Variants in RBFOX1 observed in about 807,000 individuals in gnomAD.
RBFOX1 encodes the protein RNA binding protein fox-1 homolog 1.
In RBFOX1, 8 loss-of-function variants were observed where a neutral mutation model predicts 57.7. The observed-to-expected ratio is 0.14, with a 90% CI of 0.08 to 0.25. The LOEUF is 0.25. Among genes scored for constraint, RBFOX1 ranks in the 10% least tolerant of loss-of-function variants. RBFOX1 has a pLI of 1.00. For synonymous variants in RBFOX1, 326 were observed against 222.4 expected (o/e 1.47, Z -4.15); for missense variants, 611 against 548.5 (o/e 1.11, Z -1.14).
At chr16:6,644,086 A>G (rs12933118) in intron 2 of RBFOX1, among the ~76,000 whole-genome samples, 9,575 of 152,244 alleles carry the variant, frequency 0.063, 401 homozygotes, top group Non-Finnish European at 0.091. Context: ...AGATCACCCT[A>G]CTGCACTCCA....
chr16:6,623,393 C>T (rs2098261312), intron 2 of RBFOX1, among the ~76,000 whole-genome samples: 1 of 151,792 alleles, frequency 6.6e-6, no homozygotes, highest in African/African-American at 2.4e-5. Context: ...TTGTCACTTT[C>T]ATGCAACCCC....
intron 3 of RBFOX1, among the ~76,000 whole-genome samples, chr16:5,825,823 T>G: frequency 6.8e-6 from 1 of 147,902 alleles, no homozygotes; most frequent in Non-Finnish European, 1.5e-5. Flanking sequence ...GGAATAATAT[T>G]CCTTAATATG....
intron 3 of RBFOX1, among the ~76,000 whole-genome samples, chr16:6,891,465 TAG>T (rs746798605): frequency 1.6e-3 from 240 of 146,802 alleles, no homozygotes; most frequent in Middle Eastern, 3.5e-3. Flanking sequence ...ACACACACAC[TAG>T]AGAGAGAGAG....
intron 4 of RBFOX1, among the ~76,000 whole-genome samples, chr16:7,278,273 C>T (rs972544055): frequency 6.6e-6 from 1 of 152,090 alleles, no homozygotes; most frequent in Non-Finnish European, 1.5e-5. Context: ...GCAAGTATAC[C>T]AGCTAATTAG....
intron 3 of RBFOX1, among the ~76,000 whole-genome samples, chr16:5,739,316 T>C (rs2052693032): frequency 6.6e-6 from 1 of 152,252 alleles, no homozygotes; most frequent in African/African-American, 2.4e-5. Flanking sequence ...GTTGTGCACC[T>C]ATGGGTAACG....
rs371940189 is a variant in RBFOX1, at chr16:5,865,249, C to T, written c.319-2054C>T. On this transcript the variant is annotated intron_variant, in intron 3 of 19. Coordinates refer to the RBFOX1 transcript ENST00000641259. The stretch of plus-strand genomic sequence containing the variant: ...TTCAGCAGAGAAATACACACATTCA[C>T]GTGAGATAATGTAGCCCAGGGATCT... Among the ~76,000 whole-genome samples the T allele has an allele frequency of 2.2e-4, 34 of 152,206 alleles. 1 individual carries two copies. In the East Asian group the frequency reaches 2.9e-3, roughly 13 times the overall value.
At chr16:6,527,173 A>C (rs574142364) in intron 2 of RBFOX1, among the ~76,000 whole-genome samples, 1 of 152,342 alleles carries the variant, frequency 6.6e-6, no homozygotes, top group South Asian at 2.1e-4. Context: ...AAAGGGATAT[A>C]GGGAAAAAGT....
chr16:6,483,678 T>A (rs1176290098), intron 2 of RBFOX1: 2 of 922,952 alleles, frequency 2.2e-6, no homozygotes, highest in Non-Finnish European at 2.8e-6. Context: ...CGGGAGGGGG[T>A]TGCAGAGGGA....
At chr16:7,158,676 G>A (rs1703917943) in intron 4 of RBFOX1, among the ~76,000 whole-genome samples, 1 of 144,990 alleles carries the variant, frequency 6.9e-6, no homozygotes, top group Non-Finnish European at 1.5e-5. Context: ...GCACGTATGT[G>A]TGTATGGTGT....
At chr16:6,875,697 T>C (rs1191437258) in intron 3 of RBFOX1, among the ~76,000 whole-genome samples, 1 of 152,228 alleles carries the variant, frequency 6.6e-6, no homozygotes, top group African/African-American at 2.4e-5. Flanking sequence ...TCCCCTTCTC[T>C]GGTAGCCTAA....
chr16:7,149,457 CTCTT>C (rs71391603), intron 4 of RBFOX1, among the ~76,000 whole-genome samples: 1,841 of 150,406 alleles, frequency 0.012, 10 homozygotes, highest in Non-Finnish European at 0.02. Context: ...CTTCCTGTGG[CTCTT>C]TCTTTTTCTT....
chr16:5,390,629 T>C (rs1351346816), intron 1 of RBFOX1, among the ~76,000 whole-genome samples: 1 of 152,140 alleles, frequency 6.6e-6, no homozygotes, highest in Admixed American at 6.5e-5. Context: ...TCATGGATGC[T>C]TTTATGTTTT....
intron 1 of RBFOX1, among the ~76,000 whole-genome samples, chr16:5,334,427 T>C (rs1299835565): frequency 6.6e-6 from 1 of 152,116 alleles, no homozygotes; most frequent in Non-Finnish European, 1.5e-5. Context: ...TCTGTCAGAC[T>C]GTATGGAATT....
chr16:6,791,351 C>T (rs553295625), intron 3 of RBFOX1, among the ~76,000 whole-genome samples: 1 of 152,252 alleles, frequency 6.6e-6, no homozygotes, highest in Non-Finnish European at 1.5e-5. Context: ...AAATACTTTG[C>T]ATCAAATTAT....
intron 2 of RBFOX1, among the ~76,000 whole-genome samples, chr16:6,331,464 C>G (rs902351401): frequency 5.3e-5 from 8 of 151,530 alleles, no homozygotes; most frequent in African/African-American, 1.9e-4. Flanking sequence ...GGAAGGATGA[C>G]ATTGGCTTAG....
rs138557288 is a variant in RBFOX1, at chr16:7,567,151, C to CCTATATATATATCCATATATATATCCCTA, written c.271-12626_271-12625insCTATATATATATCCATATATATATCCCTA. Among the ~76,000 whole-genome samples the CCTATATATATATCCATATATATATCCCTA allele has an allele frequency of 8.8e-4, 54 of 61,142 alleles. 1 individual carries two copies. The highest frequency in any genetic ancestry group is 1.4e-3 in the Non-Finnish European group (31 of 22,698). 40.1% of individuals were successfully genotyped at this position (61,142 alleles called of 152,430 possible). On this transcript the variant is annotated intron_variant, in intron 5 of 15. Coordinates refer to ENST00000550418, the MANE Select transcript of RBFOX1 (RefSeq NM_018723.4). Reference sequence around the variant, plus strand: ...TATATATGTATATCCATATATATCCCTATATATATATCCATATATATATCC... The same window carrying CCTATATATATATCCATATATATATCCCTA: ...TATATATGTATATCCATATATATCCCCTATATATATATCCATATATATATCCCTATATATATATATCCATATATATATCC...
At chr16:7,554,739 C>T (rs1013736875) in intron 5 of RBFOX1, among the ~76,000 whole-genome samples, 2 of 151,882 alleles carry the variant, frequency 1.3e-5, no homozygotes, top group African/African-American at 2.4e-5. Context: ...GAGTGCTGTG[C>T]ACTCTTTTTT....
intron 3 of RBFOX1, among the ~76,000 whole-genome samples, chr16:6,661,834 G>A (rs933046374): frequency 6.6e-5 from 10 of 152,198 alleles, no homozygotes; most frequent in African/African-American, 2.2e-4. Flanking sequence ...TTATTTGGTA[G>A]TTCAACTTCT....
chr16:7,495,552 G>A (rs1394411137), intron 4 of RBFOX1, among the ~76,000 whole-genome samples: 2 of 152,134 alleles, frequency 1.3e-5, no homozygotes, highest in Non-Finnish European at 2.9e-5. Flanking sequence ...GTTTAGATGG[G>A]CACATATTTC....
Sources: allele counts gnomAD v4.1 joint callset (sites outside exome capture counted in the v4.1 genomes callset), GRCh38; gene constraint gnomAD v4.1.1; transcripts MANE v1.5; gene names NCBI Gene and HGNC (gene_info 2026-07-23, HGNC 2026-07-21).